HIBADH: variants seen among roughly 807,000 people sequenced by gnomAD.
The protein encoded by HIBADH is 3-hydroxyisobutyrate dehydrogenase, mitochondrial.
A neutral mutation model predicts 36.1 loss-of-function variants in HIBADH; 25 were observed. The ratio of observed to expected loss-of-function variants is 0.69; its 90% CI spans 0.50 to 0.97. HIBADH has a LOEUF of 0.97. Among genes scored for constraint, HIBADH ranks in the 50% least tolerant of loss-of-function variants. HIBADH has a pLI of 0.00. For missense variants in HIBADH, 421 were observed against 418.0 expected (o/e 1.01, Z -0.06); for synonymous variants, 160 against 149.5 (o/e 1.07, Z -0.51).
chr7:27,612,849 C>A (rs1286730087), intron 4 of HIBADH, among the ~76,000 whole-genome samples: 1 of 147,076 alleles, frequency 6.8e-6, no homozygotes, highest in East Asian at 2.0e-4. Flanking sequence ...CTAGATATTC[C>A]AAGCAGAAGA....
intron 1 of HIBADH, among the ~76,000 whole-genome samples, chr7:27,657,313 C>A (rs561602978): frequency 2.0e-5 from 3 of 152,074 alleles, no homozygotes; most frequent in African/African-American, 7.2e-5. Context: ...TACAGACAAA[C>A]CTAGAGAGAG....
intron 4 of HIBADH, among the ~76,000 whole-genome samples, chr7:27,564,405 ATTGT>A (rs1019004448): frequency 2.0e-5 from 3 of 152,156 alleles, no homozygotes; most frequent in Non-Finnish European, 2.9e-5. Context: ...TATATGTAGA[ATTGT>A]TTATCATTTG....
intron 2 of HIBADH, among the ~76,000 whole-genome samples, chr7:27,640,110 G>C (rs1035833104): frequency 3.3e-5 from 5 of 152,182 alleles, no homozygotes; most frequent in Non-Finnish European, 5.9e-5. Flanking sequence ...CTGACTAGCT[G>C]CCTCCCTTAT....
At chr7:27,579,920 A>G (rs574332884) in intron 4 of HIBADH, among the ~76,000 whole-genome samples, 39 of 152,346 alleles carry the variant, frequency 2.6e-4, no homozygotes, top group Admixed American at 3.9e-4. Flanking sequence ...ACCTACTGCC[A>G]TGCTACTAAG....
intron 4 of HIBADH, among the ~76,000 whole-genome samples, chr7:27,560,250 T>C (rs1157795386): frequency 6.6e-6 from 1 of 152,172 alleles, no homozygotes; most frequent in Non-Finnish European, 1.5e-5. Flanking sequence ...ACCTTCCAAG[T>C]AGCAGGGATT....
chr7:27,547,621 CAAGGATTACAGACA>C (rs1332432300), intron 4 of HIBADH, among the ~76,000 whole-genome samples: 2 of 151,846 alleles, frequency 1.3e-5, no homozygotes, highest in Non-Finnish European at 2.9e-5. Context: ...CACAAGATGC[CAAGGATTACAGACA>C]AAGCATTTCT....
chr7:27,562,897 T>C (rs964714645), intron 4 of HIBADH, among the ~76,000 whole-genome samples: 1 of 152,240 alleles, frequency 6.6e-6, no homozygotes, highest in African/African-American at 2.4e-5. Flanking sequence ...CTATGTTTAA[T>C]CATCATTCCT....
At chr7:27,533,977 AGTGCATGC>A (rs1784036511) in intron 6 of HIBADH, among the ~76,000 whole-genome samples, 1 of 152,144 alleles carries the variant, frequency 6.6e-6, no homozygotes, top group Non-Finnish European at 1.5e-5. Context: ...GTGGTTCGAG[AGTGCATGC>A]GTGCATGCAT....
chr7:27,613,111 C>CATATAAATATATTTATATATATTT (rs1785354356), intron 4 of HIBADH, among the ~76,000 whole-genome samples: 1 of 110,600 alleles, frequency 9.0e-6, no homozygotes, highest in Non-Finnish European at 1.8e-5. Context: ...TATATATATT[C>CATATAAATATATTTATATATATTT]ATATAAATAT....
intron 1 of HIBADH, 138 bp from the exon 2 acceptor site, chr7:27,649,771 A>G: frequency 1.5e-6 from 1 of 678,340 alleles, no homozygotes; most frequent in Non-Finnish European, 2.3e-6. Flanking sequence ...AGTGGTGCAC[A>G]CCTATAATCC....
rs546387975 is a variant in HIBADH, at chr7:27,545,730, C to G, written c.485-2630G>C. Among the ~76,000 whole-genome samples the G allele has an allele frequency of 2.0e-5, 3 of 152,190 alleles. 1 individual carries two copies. Among genetic ancestry groups the G allele is most frequent in the African/African-American group, 7.2e-5 (3 of 41,532 alleles). On this transcript the variant is annotated intron_variant, in intron 4 of 7. Coordinates refer to ENST00000265395, the MANE Select transcript of HIBADH (RefSeq NM_152740.4). ...ACATATATTTTATTAATTATATATA[C>G]AAAACCAAAATCCACCCTGTGCTTG... is the stretch of plus-strand genomic sequence containing the variant.
intron 5 of HIBADH, among the ~76,000 whole-genome samples, chr7:27,539,484 G>T (rs1784115036): frequency 6.6e-6 from 1 of 151,948 alleles, no homozygotes; most frequent in East Asian, 1.9e-4. Flanking sequence ...TGTGTGTATT[G>T]GGAGGGGGAG....
chr7:27,641,104 A>T (rs1472506034), intron 2 of HIBADH, among the ~76,000 whole-genome samples: 1 of 152,200 alleles, frequency 6.6e-6, no homozygotes, highest in Non-Finnish European at 1.5e-5. Context: ...AGAGAAAAGA[A>T]AAGAATCTGG....
intron 4 of HIBADH, among the ~76,000 whole-genome samples, chr7:27,604,326 C>T (rs1583592390): frequency 6.6e-6 from 1 of 152,142 alleles, no homozygotes; most frequent in East Asian, 1.9e-4. Context: ...TATGTGCTTA[C>T]TCTTACTGCA....
intron 6 of HIBADH, among the ~76,000 whole-genome samples, chr7:27,534,598 A>G (rs1388325234): frequency 1.3e-5 from 2 of 152,050 alleles, no homozygotes; most frequent in African/African-American, 2.4e-5. Context: ...TATCTGACAA[A>G]TCTTCACTGG....
intron 2 of HIBADH, among the ~76,000 whole-genome samples, chr7:27,643,033 TTTTAC>T (rs1431907033): frequency 6.6e-6 from 1 of 152,234 alleles, no homozygotes; most frequent in Non-Finnish European, 1.5e-5. Flanking sequence ...TAATGTGACC[TTTTAC>T]TTTTTCTTTA....
chr7:27,550,622 T>C (rs1465408858), intron 4 of HIBADH, among the ~76,000 whole-genome samples: 1 of 152,204 alleles, frequency 6.6e-6, no homozygotes. Flanking sequence ...AAGACTCAAC[T>C]CATGACAACT....
intron 4 of HIBADH, among the ~76,000 whole-genome samples, chr7:27,558,740 T>C (rs986608390): frequency 1.3e-5 from 2 of 152,164 alleles, no homozygotes; most frequent in African/African-American, 4.8e-5. Flanking sequence ...ATTTAGTCTA[T>C]AAAATCTCTT....
intron 1 of HIBADH, among the ~76,000 whole-genome samples, chr7:27,657,302 G>A (rs2128298043): frequency 6.6e-6 from 1 of 152,226 alleles, no homozygotes; most frequent in South Asian, 2.1e-4. Flanking sequence ...TTGAGAATGG[G>A]TACAGACAAA....
Sources: gnomAD v4.1 joint callset for allele counts (sites outside exome capture counted in the v4.1 genomes callset) on GRCh38, gnomAD v4.1.1 for gene constraint, MANE v1.5 for transcripts, NCBI Gene and HGNC (gene_info 2026-07-23, HGNC 2026-07-21) for gene names.